CFAP91: variants seen among roughly 807,000 people sequenced by gnomAD.
CFAP91 encodes cilia and flagella associated protein 91.
A neutral mutation model predicts 95.9 loss-of-function variants in CFAP91; 85 were observed. The observed-to-expected ratio is 0.89, with a 90% CI of 0.74 to 1.06. The LOEUF is 1.06. Ranked by LOEUF, CFAP91 falls within the 50% of genes least tolerant of loss-of-function variation. The pLI, the probability that CFAP91 is intolerant of heterozygous loss-of-function variation, is 0.00. For missense variants in CFAP91, 962 were observed against 943.4 expected, an observed-to-expected ratio of 1.02 and a Z score of -0.26; for synonymous variants, 335 against 327.5, an observed-to-expected ratio of 1.02 and a Z score of -0.25.
At chr3:119,747,695 C>G in intron 15 of CFAP91, 116 bp from the exon 16 acceptor site, 2 of 821,724 alleles carry the variant, frequency 2.4e-6, no homozygotes, top group Non-Finnish European at 3.7e-6. Flanking sequence ...ATCACTTAAT[C>G]AAGGAAAAGG....
chr3:119,705,697 T>C (rs1212390614), intron 1 of CFAP91, among the ~76,000 whole-genome samples: 1 of 152,206 alleles, frequency 6.6e-6, no homozygotes, highest in Non-Finnish European at 1.5e-5. Flanking sequence ...CAAATTCTAA[T>C]GTGTAATTTG....
intron 6 of CFAP91, among the ~76,000 whole-genome samples, chr3:119,725,112 G>C (rs574270371): frequency 6.6e-6 from 1 of 152,256 alleles, no homozygotes; most frequent in Admixed American, 6.5e-5. Context: ...TAAAACAAAG[G>C]TTGGCTTATT....
intron 17 of CFAP91, among the ~76,000 whole-genome samples, chr3:119,757,220 C>T (rs2054448208): frequency 1.3e-5 from 2 of 152,134 alleles, no homozygotes; most frequent in African/African-American, 2.4e-5. Context: ...TACTTAATAG[C>T]ACGGCCTCCC....
chr3:119,711,143 A>T (rs2053464742), intron 5 of CFAP91, among the ~76,000 whole-genome samples: 1 of 152,174 alleles, frequency 6.6e-6, no homozygotes, highest in Non-Finnish European at 1.5e-5. Context: ...TGTGTTATTA[A>T]ATGTCTGTAA....
intron 16 of CFAP91, among the ~76,000 whole-genome samples, chr3:119,749,695 A>G (rs2054290069): frequency 6.6e-6 from 1 of 152,146 alleles, no homozygotes; most frequent in South Asian, 2.1e-4. Flanking sequence ...AAAAAGCCAT[A>G]TGAACAGGGA....
intron 5 of CFAP91, among the ~76,000 whole-genome samples, chr3:119,711,077 T>C (rs1339140821): frequency 6.6e-6 from 1 of 152,230 alleles, no homozygotes; most frequent in Non-Finnish European, 1.5e-5. Flanking sequence ...TTTTCAAGGG[T>C]GCATTTAAAG....
intron 5 of CFAP91, 70 bp from the exon 6 acceptor site, chr3:119,715,492 C>T (rs1029700382): frequency 7.8e-7 from 1 of 1,283,850 alleles, no homozygotes. Flanking sequence ...AGATTTGTTT[C>T]TACTTGATTA....
rs1431486179 is a variant in CFAP91, at chr3:119,741,166, G to A, written c.1680+471G>A. On this transcript the variant is annotated intron_variant, in intron 13 of 17. Transcript: ENST00000273390. ...TGTAGTCCTTAATTTGATTGGGGATGTGCCCTTACTGATTTGAATATGGTG... is the reference window on the plus strand; with the variant it reads ...TGTAGTCCTTAATTTGATTGGGGATATGCCCTTACTGATTTGAATATGGTG... Among the ~76,000 whole-genome samples the A allele has an allele frequency of 3.9e-5, 6 of 152,254 alleles. No individual in the cohort carries two copies. In the South Asian group the frequency reaches 1.0e-3, roughly 26 times the overall value.
intron 17 of CFAP91, among the ~76,000 whole-genome samples, chr3:119,757,259 G>T (rs1260639998): frequency 6.6e-6 from 1 of 152,148 alleles, no homozygotes; most frequent in African/African-American, 2.4e-5. Flanking sequence ...TAACAGAACT[G>T]CCTGGAGAAA....
intron 6 of CFAP91, among the ~76,000 whole-genome samples, chr3:119,723,682 A>G (rs890055350): frequency 1.3e-5 from 2 of 152,198 alleles, no homozygotes; most frequent in African/African-American, 4.8e-5. Flanking sequence ...TTTGGTTCAT[A>G]TTTGCTTTTA....
chr3:119,742,033 G>T (rs555006299), intron 13 of CFAP91, among the ~76,000 whole-genome samples: 1 of 152,194 alleles, frequency 6.6e-6, no homozygotes, highest in Non-Finnish European at 1.5e-5. Context: ...CCCTGGAAGC[G>T]CTAGGCCCTG....
intron 11 of CFAP91, among the ~76,000 whole-genome samples, chr3:119,738,001 C>A (rs1289514799): frequency 6.6e-6 from 1 of 152,196 alleles, no homozygotes; most frequent in Non-Finnish European, 1.5e-5. Context: ...AACAAATCCA[C>A]AGGAAACTGT....
chr3:119,747,302 A>G, intron 15 of CFAP91, 39 bp downstream of exon 15: 2 of 1,583,496 alleles, frequency 1.3e-6, no homozygotes, highest in African/African-American at 1.4e-5. Context: ...TGGACAGCCC[A>G]TTTGCTGGTA....
chr3:119,740,806 G>A (rs2054103054), intron 13 of CFAP91, 111 bp downstream of exon 13: 2 of 1,192,212 alleles, frequency 1.7e-6, no homozygotes, highest in Admixed American at 2.0e-5. Context: ...AAAAGAAACA[G>A]CCCCACAATC....
chr3:119,763,333 A>G (rs1288471748), intron 17 of CFAP91, among the ~76,000 whole-genome samples: 1 of 152,108 alleles, frequency 6.6e-6, no homozygotes, highest in Non-Finnish European at 1.5e-5. Context: ...GTTGAGGAGG[A>G]TGTGAAGAAA....
At position 119,715,554 on chromosome 3, in the gene CFAP91, T is replaced by C. The variant is rs367898250; in HGVS notation, c.501-8T>C. On this transcript the variant is annotated splice_region_variant and splice_polypyrimidine_tract_variant and intron_variant, in intron 5 of 17. Transcript: ENST00000273390. ...GTTTCAATTTTTAAACTGATTTTTCTCTTTTAGGGCAGAACCATACACTTT... is the reference window on the plus strand; with the variant it reads ...GTTTCAATTTTTAAACTGATTTTTCCCTTTTAGGGCAGAACCATACACTTT... 1.6e-5 allele frequency: 25 copies of C among 1,612,376 alleles called. No individual in the cohort carries two copies. Among genetic ancestry groups the C allele is most frequent in the Non-Finnish European group, 2.0e-5 (24 of 1,179,010 alleles).
chr3:119,721,456 C>T (rs762756959), intron 6 of CFAP91, among the ~76,000 whole-genome samples: 6 of 152,206 alleles, frequency 3.9e-5, no homozygotes, highest in Non-Finnish European at 7.3e-5. Context: ...TATTTAACAA[C>T]GTAGAGGAGA....
At chr3:119,743,883 C>A in intron 13 of CFAP91, 92 bp from the exon 14 acceptor site, 1 of 1,123,908 alleles carries the variant, frequency 8.9e-7, no homozygotes, top group Non-Finnish European at 1.2e-6. Context: ...AGTGAATTGA[C>A]TGCCAAGAGT....
chr3:119,726,071 A>G (rs1249459670), intron 6 of CFAP91, 100 bp from the exon 7 acceptor site: 1 of 1,016,614 alleles, frequency 9.8e-7, no homozygotes, highest in Non-Finnish European at 1.4e-6. Flanking sequence ...TGGCCCTTGA[A>G]TTTGGAGAAG....
Sources: allele counts gnomAD v4.1 joint callset (sites outside exome capture counted in the v4.1 genomes callset), GRCh38; gene constraint gnomAD v4.1.1; transcripts MANE v1.5; gene names NCBI Gene and HGNC (gene_info 2026-07-23, HGNC 2026-07-21).